KIAA1549: variants seen among roughly 807,000 people sequenced by gnomAD.
KIAA1549 encodes the protein UPF0606 protein KIAA1549.
A neutral mutation model predicts 156.4 loss-of-function variants in KIAA1549; 70 were observed. The observed-to-expected ratio is 0.45, with a 90% CI of 0.37 to 0.55. KIAA1549 has a LOEUF of 0.55. KIAA1549 is among the 20% of genes least tolerant of loss of function. The pLI, the probability that KIAA1549 is intolerant of heterozygous loss-of-function variation, is 0.00. For missense variants in KIAA1549, 2,428 were observed against 2,540.9 expected, an observed-to-expected ratio of 0.96 and a Z score of 0.96; for synonymous variants, 1,103 against 1,066.4, an observed-to-expected ratio of 1.03 and a Z score of -0.67.
intron 10 of KIAA1549, among the ~76,000 whole-genome samples, chr7:138,886,787 A>G (rs1184480946): frequency 1.3e-5 from 2 of 152,354 alleles, no homozygotes; most frequent in Middle Eastern, 3.4e-3. Context: ...GTTCATGAGC[A>G]TAACAGCCCC....
rs1437185192 is a variant in KIAA1549, at chr7:138,833,807, CCCA to C, written c.*4096_*4098del. 2 of 233,226 alleles carry C rather than the reference CCCA, an allele frequency of 8.6e-6. No individual in the cohort carries two copies. The highest frequency in any genetic ancestry group is 4.4e-5 in the African/African-American group (2 of 45,346). The allele number at this position is 233,226 out of a possible 1,614,324, so 14.4% of individuals were successfully genotyped here. ...ATTTTCGTCCTCTTCCCTTGCCTCCCCCACACTGGAGTACTTCCTCTGTAGATC... is the reference window on the plus strand; with the variant it reads ...ATTTTCGTCCTCTTCCCTTGCCTCCCCACTGGAGTACTTCCTCTGTAGATC... On this transcript the variant is annotated 3_prime_UTR_variant, in exon 20 of 20. Transcript: ENST00000422774.
intron 1 of KIAA1549, among the ~76,000 whole-genome samples, chr7:138,921,134 T>C (rs1192442412): frequency 1.3e-5 from 2 of 152,134 alleles, no homozygotes; most frequent in East Asian, 3.9e-4. Context: ...TGAAGACCAT[T>C]TTCCAAAAGT....
Position 138,837,101 on chromosome 7 carries a change from T to C in KIAA1549, c.*805A>G, listed in dbSNP as rs767503474. 4.4e-6 allele frequency: 1 copy of C among 228,146 alleles called. No individual in the cohort carries two copies. The highest frequency in any genetic ancestry group is 8.7e-6 in the Non-Finnish European group (1 of 114,968). The allele number at this position is 228,146 out of a possible 1,614,324, so 14.1% of individuals were successfully genotyped here. ...CCCAATTAAGAAACAGCAAATACAATGAAGAATGTAGATCTAAACTTTGAT... is the reference window on the plus strand; with the variant it reads ...CCCAATTAAGAAACAGCAAATACAACGAAGAATGTAGATCTAAACTTTGAT... On this transcript the variant is annotated 3_prime_UTR_variant, in exon 20 of 20. Coordinates refer to ENST00000422774, the MANE Select transcript of KIAA1549 (RefSeq NM_001164665.2).
chr7:138,878,800 A>G (rs1030942817), intron 12 of KIAA1549, among the ~76,000 whole-genome samples: 1 of 152,010 alleles, frequency 6.6e-6, no homozygotes, highest in Non-Finnish European at 1.5e-5. Context: ...AGGCCTCCCA[A>G]TGATCTTTGC....
intron 10 of KIAA1549, among the ~76,000 whole-genome samples, chr7:138,890,145 C>A (rs767444956): frequency 6.6e-6 from 1 of 152,156 alleles, no homozygotes; most frequent in Non-Finnish European, 1.5e-5. Flanking sequence ...TGTGCCCCAC[C>A]GGAATACGTC....
intron 1 of KIAA1549, among the ~76,000 whole-genome samples, chr7:138,956,091 A>C (rs1330406001): frequency 6.6e-6 from 1 of 152,096 alleles, no homozygotes; most frequent in African/African-American, 2.4e-5. Context: ...ACGGGTTTTC[A>C]CTATGTTGGC....
At chr7:138,887,909 C>T (rs1178894257) in intron 10 of KIAA1549, among the ~76,000 whole-genome samples, 5 of 152,150 alleles carry the variant, frequency 3.3e-5, no homozygotes, top group Non-Finnish European at 7.3e-5. Context: ...AGCTTCCCCT[C>T]GACCATCTCC....
At chr7:138,860,962 G>A (rs1400868981) in intron 16 of KIAA1549, among the ~76,000 whole-genome samples, 177 bp downstream of exon 16, 2 of 152,152 alleles carry the variant, frequency 1.3e-5, no homozygotes, top group East Asian at 1.9e-4. Flanking sequence ...CCACATAAAC[G>A]GATACCTCCA....
intron 12 of KIAA1549, chr7:138,876,538 G>C (rs1200791736): frequency 6.6e-6 from 1 of 152,226 alleles, no homozygotes; most frequent in East Asian, 1.9e-4. Context: ...TTTGGAATTT[G>C]TGGAATTCAA....
rs771595820 is a variant in KIAA1549, at chr7:138,919,090, G to C, written c.536C>G (p.Thr179Arg). The C allele has an allele frequency of 3.5e-5, 57 of 1,613,884 alleles. No homozygotes were observed. Among genetic ancestry groups the C allele is most frequent in the Non-Finnish European group, 4.7e-5 (56 of 1,179,892 alleles). Residue 179 changes from threonine (T) to arginine (R), a missense_variant, in exon 2 of 20, where the codon ACA becomes AGA. Thr to Arg is a moderately conservative substitution (Grantham distance 71). Around this residue, in one of 5 missense-constraint regions of KIAA1549, gnomAD observed 893 missense variants for 847.9 expected, o/e 1.05. Transcript: ENST00000422774. ...PRMVSPIQYITVSPPGLPREA... is the reference protein window; with the variant it reads ...PRMVSPIQYIRVSPPGLPREA... The stretch of plus-strand genomic sequence containing the variant: ...CCTGGGCAGCCCTGGTGGGCTGACT[G>C]TGATATACTGTATTGGAGAAACCAT...
intron 16 of KIAA1549, among the ~76,000 whole-genome samples, chr7:138,857,923 G>A (rs1810439750): frequency 6.6e-6 from 1 of 152,138 alleles, no homozygotes; most frequent in Non-Finnish European, 1.5e-5. Flanking sequence ...CATATACTTG[G>A]ATCTTGCTTT....
At chr7:138,888,362 T>G (rs1212497054) in intron 10 of KIAA1549, among the ~76,000 whole-genome samples, 1 of 152,236 alleles carries the variant, frequency 6.6e-6, no homozygotes, top group Non-Finnish European at 1.5e-5. Context: ...ATACTTTCGT[T>G]CACTTCTTTC....
At chr7:138,931,485 C>T (rs1011390259) in intron 1 of KIAA1549, among the ~76,000 whole-genome samples, 2 of 152,164 alleles carry the variant, frequency 1.3e-5, no homozygotes, top group Admixed American at 1.3e-4. Context: ...GGCGTGGTGG[C>T]TCACGCCTGT....
rs116075341 is a variant in KIAA1549, at chr7:138,961,826, A to G, written c.187+19257T>C. 3.6e-3 allele frequency among the ~76,000 whole-genome samples: 538 copies of G among 149,060 alleles called. 4 individuals carry two copies. The highest frequency in any genetic ancestry group is 0.013 in the African/African-American group (526 of 39,830). ...CATTGCACTCCAGCCTAGGTGACAG[A>G]TAGAGGCTCTGTCTCTTAAGAAAAA... On this transcript the variant is annotated intron_variant, in intron 1 of 19. Coordinates refer to ENST00000422774, the MANE Select transcript of KIAA1549 (RefSeq NM_001164665.2).
chr7:138,861,449 G>A lies in KIAA1549; in HGVS notation c.4937C>T (p.Pro1646Leu), dbSNP rs1810575752. The change falls in exon 16 of 20, where the codon CCT becomes CTT. Residue 1646 changes from proline (P) to leucine (L), a missense_variant. Around this residue, in one of 5 missense-constraint regions of KIAA1549, gnomAD observed 404 missense variants for 417.0 expected, o/e 0.97. Transcript: ENST00000422774. The stretch of plus-strand genomic sequence containing the variant: ...TGTCTGCACATCGGCTGGGAGGTCA[G>A]GATCCGACTACAATGAGAAATGGCA... Reference protein sequence around the residue: ...NSAYIGCPSDPDLPADVQTPS... With the variant: ...NSAYIGCPSDLDLPADVQTPS... 2 of 1,607,810 alleles carry A rather than the reference G, an allele frequency of 1.2e-6. No individual in the cohort carries two copies. Among genetic ancestry groups the A allele is most frequent in the African/African-American group, 1.3e-5 (1 of 74,846 alleles).
At chr7:138,924,185 T>A (rs1812644675) in intron 1 of KIAA1549, among the ~76,000 whole-genome samples, 1 of 149,426 alleles carries the variant, frequency 6.7e-6, no homozygotes, top group Admixed American at 6.7e-5. Context: ...TTCTTTTCTT[T>A]TTTTTTTTTC....
At chr7:138,953,337 C>A (rs970528140) in intron 1 of KIAA1549, among the ~76,000 whole-genome samples, 1 of 151,990 alleles carries the variant, frequency 6.6e-6, no homozygotes, top group African/African-American at 2.4e-5. Context: ...GCCTAGACAA[C>A]AGAGCAAGAT....
At chr7:138,949,537 C>T (rs1403949483) in intron 1 of KIAA1549, among the ~76,000 whole-genome samples, 1 of 152,116 alleles carries the variant, frequency 6.6e-6, no homozygotes, top group African/African-American at 2.4e-5. Context: ...TGTCTCTCGG[C>T]ATACAGCTAA....
intron 14 of KIAA1549, 133 bp from the exon 15 acceptor site, chr7:138,868,261 T>G (rs1810813389): frequency 1.2e-6 from 1 of 820,190 alleles, no homozygotes; most frequent in African/African-American, 1.7e-5. Context: ...ATAAACGCCA[T>G]GTACGAGACA....
Sources: allele counts gnomAD v4.1 joint callset (sites outside exome capture counted in the v4.1 genomes callset), GRCh38; gene constraint gnomAD v4.1.1; regional missense constraint gnomAD v4.1.1; transcripts MANE v1.5; gene names NCBI Gene and HGNC (gene_info 2026-07-23, HGNC 2026-07-21).